NR3C2: variants seen among roughly 807,000 people sequenced by gnomAD.
The protein encoded by NR3C2 is nuclear receptor subfamily 3 group C member 2, also known as mineralocorticoid receptor.
A neutral mutation model predicts 86.4 loss-of-function variants in NR3C2; 15 were observed. That is an observed-to-expected ratio of 0.17 (90% confidence interval 0.12 to 0.27). The LOEUF (loss-of-function observed/expected upper bound fraction) is 0.27. NR3C2 is among the 10% of genes least tolerant of loss of function. The pLI is 1.00. For missense variants in NR3C2, 960 were observed against 1,195.6 expected (o/e 0.80, Z 2.91); for synonymous variants, 458 against 450.5 (o/e 1.02, Z -0.21).
rs142683511 is a variant in NR3C2 at position 148,271,734 on chromosome 4, G to A, written c.1758-11617C>T. ...GAAAAAAACTATCACTATTAGAGCCGTGGGTATACTTGGCCCTTATTAGAA... is the reference window on the plus strand; with the variant it reads ...GAAAAAAACTATCACTATTAGAGCCATGGGTATACTTGGCCCTTATTAGAA... On this transcript the variant is annotated intron_variant, in intron 2 of 8. Coordinates refer to ENST00000358102, the MANE Select transcript of NR3C2 (RefSeq NM_000901.5). 3.8e-3 allele frequency among the ~76,000 whole-genome samples: 581 copies of A among 152,092 alleles called. 3 individuals are homozygous for A. Among genetic ancestry groups the A allele is most frequent in the African/African-American group, 0.012 (513 of 41,488 alleles).
At chr4:148,155,629 A>G (rs1241845432) in intron 4 of NR3C2, among the ~76,000 whole-genome samples, 1 of 152,088 alleles carries the variant, frequency 6.6e-6, no homozygotes, top group East Asian at 1.9e-4. Flanking sequence ...AACAAATGGA[A>G]GAACATTCCA....
At chr4:148,338,684 C>G (rs560644018) in intron 2 of NR3C2, among the ~76,000 whole-genome samples, 144 of 152,240 alleles carry the variant, frequency 9.5e-4, no homozygotes, top group African/African-American at 3.3e-3. Flanking sequence ...ATGCAGTGAA[C>G]TGGAGACATG....
chr4:148,315,345 G>A (rs1743115590), intron 2 of NR3C2, among the ~76,000 whole-genome samples: 1 of 152,062 alleles, frequency 6.6e-6, no homozygotes, highest in African/African-American at 2.4e-5. Context: ...CAACTCCAAG[G>A]TACTATGTTA....
intron 2 of NR3C2, among the ~76,000 whole-genome samples, chr4:148,327,072 C>T (rs960692824): frequency 1.3e-5 from 2 of 151,952 alleles, no homozygotes; most frequent in Admixed American, 6.6e-5. Context: ...TTCAGATCTA[C>T]GTAAGTACAC....
At chr4:148,210,722 T>C (rs1377314288) in intron 3 of NR3C2, among the ~76,000 whole-genome samples, 1 of 152,198 alleles carries the variant, frequency 6.6e-6, no homozygotes, top group Non-Finnish European at 1.5e-5. Context: ...ACATAATAAG[T>C]GCAAAGCAAT....
At chr4:148,419,629 T>C (rs1749179395) in intron 2 of NR3C2, among the ~76,000 whole-genome samples, 1 of 152,222 alleles carries the variant, frequency 6.6e-6, no homozygotes, top group Non-Finnish European at 1.5e-5. Flanking sequence ...AATGGCAACA[T>C]TCTTTACATA....
At chr4:148,390,434 G>C (rs568683400) in intron 2 of NR3C2, among the ~76,000 whole-genome samples, 1 of 152,228 alleles carries the variant, frequency 6.6e-6, no homozygotes, top group African/African-American at 2.4e-5. Flanking sequence ...TGAGACGGTA[G>C]CAAGAATTCA....
chr4:148,441,760 C>CTGCCCTTA (rs1750351255), intron 1 of NR3C2, among the ~76,000 whole-genome samples: 1 of 152,218 alleles, frequency 6.6e-6, no homozygotes, highest in South Asian at 2.1e-4. Flanking sequence ...TCTCCTTCAA[C>CTGCCCTTA]TGCCCTTATG....
rs1750035906 is a variant in NR3C2, at chr4:148,435,902, G to C, written c.959C>G (p.Ser320Cys). Residue 320 changes from serine (S) to cysteine (C), a missense_variant, in exon 2 of 9, where the codon TCC becomes TGC. By Grantham distance (112) the Ser-to-Cys change is moderately radical. Coordinates refer to ENST00000358102, the MANE Select transcript of NR3C2 (RefSeq NM_000901.5). ...ACTGGCTGCCGGACTGGAAAGCGTG[G>C]ATCTGTTATTAGTGTTCGAAGGGCT... ...VSSPSNTNNRSTLSSPAASTV... is the reference protein window; with the variant it reads ...VSSPSNTNNRCTLSSPAASTV... 6.2e-7 allele frequency: 1 copy of C among 1,614,192 alleles called. No homozygotes were observed. Among genetic ancestry groups the C allele is most frequent in the Non-Finnish European group, 8.5e-7 (1 of 1,180,026 alleles).
intron 4 of NR3C2, among the ~76,000 whole-genome samples, chr4:148,186,069 A>T (rs1276759388): frequency 6.6e-6 from 1 of 152,208 alleles, no homozygotes; most frequent in Non-Finnish European, 1.5e-5. Flanking sequence ...GTACCAATTT[A>T]TTCTCCCACC....
At chr4:148,404,087 A>G (rs1294839662) in intron 2 of NR3C2, among the ~76,000 whole-genome samples, 1 of 152,060 alleles carries the variant, frequency 6.6e-6, no homozygotes, top group Non-Finnish European at 1.5e-5. Flanking sequence ...GATGTATCTG[A>G]GTTTAAAAGT....
intron 6 of NR3C2, among the ~76,000 whole-genome samples, chr4:148,122,798 G>C (rs1732568954): frequency 6.6e-6 from 1 of 152,170 alleles, no homozygotes; most frequent in Admixed American, 6.5e-5. Flanking sequence ...ATCTTTGTAA[G>C]CTGAGGATGT....
chr4:148,255,756 C>G (rs59278308), intron 3 of NR3C2, among the ~76,000 whole-genome samples: 4,685 of 152,096 alleles, frequency 0.031, 226 homozygotes, highest in African/African-American at 0.1. Flanking sequence ...TGAGGAATCA[C>G]AAAGTAAAAA....
chr4:148,371,192 C>T (rs1746399877), intron 2 of NR3C2, among the ~76,000 whole-genome samples: 1 of 152,098 alleles, frequency 6.6e-6, no homozygotes, highest in Non-Finnish European at 1.5e-5. Context: ...ACAAATGATC[C>T]AATTATACTC....
intron 2 of NR3C2, among the ~76,000 whole-genome samples, chr4:148,287,470 C>T (rs556502866): frequency 3.9e-5 from 6 of 152,274 alleles, no homozygotes; most frequent in African/African-American, 1.2e-4. Flanking sequence ...ATGTTTAAAA[C>T]ACAATGCCAG....
chr4:148,362,121 G>A (rs1022386432), intron 2 of NR3C2, among the ~76,000 whole-genome samples: 3 of 152,174 alleles, frequency 2.0e-5, no homozygotes, highest in Non-Finnish European at 4.4e-5. Flanking sequence ...TTATGGGCGT[G>A]AGCCACCACA....
At chr4:148,082,716 CAG>C (rs1422453673) in intron 8 of NR3C2, among the ~76,000 whole-genome samples, 1 of 147,994 alleles carries the variant, frequency 6.8e-6, no homozygotes, top group Non-Finnish European at 1.5e-5. Flanking sequence ...ACCAGCGAGA[CAG>C]AACCGTTCAC....
At chr4:148,418,065 A>C (rs936644849) in intron 2 of NR3C2, among the ~76,000 whole-genome samples, 5 of 152,190 alleles carry the variant, frequency 3.3e-5, no homozygotes, top group Admixed American at 2.0e-4. Context: ...TGTGAATGAC[A>C]TACTGTTAAA....
intron 2 of NR3C2, among the ~76,000 whole-genome samples, chr4:148,371,137 G>T (rs1294189417): frequency 6.6e-6 from 1 of 152,094 alleles, no homozygotes; most frequent in East Asian, 1.9e-4. Flanking sequence ...AATCACATTG[G>T]GGTAAATGGG....
Sources: gnomAD v4.1 joint callset for allele counts (sites outside exome capture counted in the v4.1 genomes callset) on GRCh38, gnomAD v4.1.1 for gene constraint, MANE v1.5 for transcripts, NCBI Gene and HGNC (gene_info 2026-07-23, HGNC 2026-07-21) for gene names.